SHANK2: variants seen among roughly 807,000 people sequenced by gnomAD.
SHANK2 encodes SH3 and multiple ankyrin repeat domains protein 2.
In SHANK2, 43 loss-of-function variants were observed where a neutral mutation model predicts 133.7. The observed-to-expected ratio is 0.32, with a 90% CI of 0.25 to 0.41. The LOEUF (loss-of-function observed/expected upper bound fraction) is 0.41, where lower values mean the gene tolerates loss of function less well. Ranked by LOEUF, SHANK2 falls within the 10% of genes least tolerant of loss-of-function variation. SHANK2 has a pLI of 1.00. For synonymous variants in SHANK2, 1,017 were observed against 952.8 expected (o/e 1.07, Z -1.24); for missense variants, 1,994 against 2,235.8 (o/e 0.89, Z 2.18).
At chr11:70,585,724 C>T (rs563545209) in intron 17 of SHANK2, among the ~76,000 whole-genome samples, 6 of 151,966 alleles carry the variant, frequency 3.9e-5, no homozygotes, top group East Asian at 1.9e-4. Flanking sequence ...CCCACTCATT[C>T]GTCCATCCAA....
intron 2 of SHANK2, among the ~76,000 whole-genome samples, chr11:71,187,719 C>T (rs746733157): frequency 4.6e-5 from 7 of 152,140 alleles, no homozygotes; most frequent in Non-Finnish European, 8.8e-5. Flanking sequence ...CTGTGTGTTG[C>T]GTGGGCAGAG....
In SHANK2 at chr11:70,804,097, A is replaced by G. The variant is rs1473022269; in HGVS notation, c.1663+2905T>C. Among the ~76,000 whole-genome samples, 12 of 152,194 alleles carry G rather than the reference A, an allele frequency of 7.9e-5. No individual in the cohort carries two copies. Among genetic ancestry groups the G allele is most frequent in the African/African-American group, 2.9e-4 (12 of 41,552 alleles). ...TGCCTGCTGCCCAGACCCGACTTCC[A>G]CTGCAAAAAATGAGTTTGGTTTCTC... On this transcript the variant is annotated intron_variant, in intron 13 of 25. Coordinates refer to ENST00000601538, the MANE Select transcript of SHANK2 (RefSeq NM_012309.5). This position sits in a 1 kb window ranked among gnomAD's most constrained non-coding sequence, Gnocchi z 4.1.
chr11:70,817,347 CAGATGGA>C (rs1485374296), intron 12 of SHANK2, among the ~76,000 whole-genome samples: 2 of 152,090 alleles, frequency 1.3e-5, no homozygotes, highest in African/African-American at 4.8e-5. Context: ...GAATCCTGGA[CAGATGGA>C]TATGGACAGG....
chr11:71,106,940 A>G (rs1353498882), intron 6 of SHANK2, among the ~76,000 whole-genome samples: 1 of 151,394 alleles, frequency 6.6e-6, no homozygotes, highest in Admixed American at 6.6e-5. Flanking sequence ...CCTGGGCAAC[A>G]TGGCAAAACC....
chr11:71,085,861 T>TATA lies in SHANK2; in HGVS notation c.912+6560_912+6561insTAT, dbSNP rs1565441942. Among the ~76,000 whole-genome samples the TATA allele has an allele frequency of 2.7e-3, 5 of 1,820 alleles. 1 individual carries two copies. Among genetic ancestry groups the TATA allele is most frequent in the African/African-American group, 0.016 (5 of 314 alleles). The allele number at this position is 1,820 out of a possible 152,430, so 1.2% of individuals were successfully genotyped here. The stretch of plus-strand genomic sequence containing the variant: ...TACAACAATAATATATATTGTTATT[T>TATA]TAATATATTATATATTTATATAACC... On this transcript the variant is annotated intron_variant, in intron 8 of 25. Transcript: ENST00000601538.
chr11:70,629,032 G>A (rs1243258701), intron 17 of SHANK2, among the ~76,000 whole-genome samples: 1 of 152,186 alleles, frequency 6.6e-6, no homozygotes, highest in African/African-American at 2.4e-5. Flanking sequence ...GGAGGGAAAC[G>A]CCAACACTTG....
Position 70,653,266 on chromosome 11 carries a change from C to T in SHANK2, c.2061+6562G>A, listed in dbSNP as rs141571020. ...GGGATTACAGGCGTGAGCCACTGCACCCGGCCTGGACTTCATTTTCTTTCC... is the reference window on the plus strand; with the variant it reads ...GGGATTACAGGCGTGAGCCACTGCATCCGGCCTGGACTTCATTTTCTTTCC... On this transcript the variant is annotated intron_variant, in intron 17 of 25. Transcript: ENST00000601538. Among the ~76,000 whole-genome samples the T allele has an allele frequency of 9.3e-3, 1,423 of 152,266 alleles. 25 individuals carry two copies. Among genetic ancestry groups the T allele is most frequent in the African/African-American group, 0.033 (1,356 of 41,536 alleles).
At chr11:70,626,242 A>T (rs2060904002) in intron 17 of SHANK2, among the ~76,000 whole-genome samples, 1 of 152,210 alleles carries the variant, frequency 6.6e-6, no homozygotes, top group South Asian at 2.1e-4. Flanking sequence ...CAAACATTTC[A>T]AACGTTTTCT....
chr11:71,061,958 A>G (rs1434677911), intron 9 of SHANK2, among the ~76,000 whole-genome samples: 1 of 150,712 alleles, frequency 6.6e-6, no homozygotes, highest in Non-Finnish European at 1.5e-5. Context: ...CCAACTCCAA[A>G]AAGTCTTTCT....
chr11:71,207,226 C>T (rs937302163), intron 2 of SHANK2, among the ~76,000 whole-genome samples: 5 of 138,086 alleles, frequency 3.6e-5, no homozygotes, highest in Admixed American at 7.7e-5. Context: ...ATCAACCAGG[C>T]TGGAGTGCAA....
intron 17 of SHANK2, among the ~76,000 whole-genome samples, chr11:70,527,697 CAG>C (rs1189298522): frequency 6.6e-5 from 10 of 152,204 alleles, no homozygotes; most frequent in South Asian, 4.1e-4. Context: ...TGTGGCCTCT[CAG>C]GGGATGTGGT....
chr11:70,721,222 T>C (rs2134662199), intron 14 of SHANK2, among the ~76,000 whole-genome samples: 1 of 152,362 alleles, frequency 6.6e-6, no homozygotes, highest in South Asian at 2.1e-4. Flanking sequence ...TTGAGTTTCA[T>C]TTCAGGCGCA....
chr11:71,204,193 A>G (rs1466161514), intron 2 of SHANK2, among the ~76,000 whole-genome samples: 1 of 152,128 alleles, frequency 6.6e-6, no homozygotes, highest in Non-Finnish European at 1.5e-5. Flanking sequence ...CTGGATTTAC[A>G]AGAACATAAG....
chr11:70,852,451 G>T (rs1048896443), intron 11 of SHANK2, among the ~76,000 whole-genome samples: 1 of 152,196 alleles, frequency 6.6e-6, no homozygotes, highest in Non-Finnish European at 1.5e-5. Flanking sequence ...TGCAGGGGAA[G>T]GGCAGGAAGA....
At chr11:70,697,339 G>A (rs1555022441) in intron 15 of SHANK2, among the ~76,000 whole-genome samples, 1 of 152,236 alleles carries the variant, frequency 6.6e-6, no homozygotes, top group African/African-American at 2.4e-5. Flanking sequence ...ACTGGTATGT[G>A]CCACCATGTG....
At position 70,688,309 on chromosome 11, in the gene SHANK2, A is replaced by AC. The variant is rs572182390; in HGVS notation, c.1853+10378dup. Among the ~76,000 whole-genome samples the AC allele has an allele frequency of 1.1e-4, 16 of 152,188 alleles. No individual in the cohort carries two copies. In the East Asian group the frequency reaches 1.9e-3, roughly 18 times the overall value. ...CCTCCAGCCAGAAAAACCTACCCTC[A>AC]CCTTGGTCTGGGGCCAAGGTCCAAA... On this transcript the variant is annotated intron_variant, in intron 15 of 25. Coordinates refer to ENST00000601538, the MANE Select transcript of SHANK2 (RefSeq NM_012309.5).
chr11:70,806,955 C>T (rs1555052000), intron 13 of SHANK2, 47 bp downstream of exon 13: 4 of 700,016 alleles, frequency 5.7e-6, no homozygotes, highest in Middle Eastern at 2.4e-4. Flanking sequence ...TGAAGGGCCC[C>T]AGCCTGACCT....
chr11:70,871,071 C>A (rs1949452729), intron 11 of SHANK2, among the ~76,000 whole-genome samples: 1 of 152,206 alleles, frequency 6.6e-6, no homozygotes, highest in African/African-American at 2.4e-5. Flanking sequence ...AGCCACTGCA[C>A]CCGGTCCCAT....
intron 14 of SHANK2, among the ~76,000 whole-genome samples, chr11:70,767,131 G>A (rs891186581): frequency 1.3e-5 from 2 of 152,188 alleles, no homozygotes; most frequent in African/African-American, 4.8e-5. Flanking sequence ...CTTTTGAACT[G>A]AAGGCTGGCT....
Sources: gnomAD v4.1 joint callset for allele counts (sites outside exome capture counted in the v4.1 genomes callset) on GRCh38, gnomAD v4.1.1 for gene constraint, Gnocchi (gnomAD v3.1) non-coding constraint, MANE v1.5 for transcripts, NCBI Gene and HGNC (gene_info 2026-07-23, HGNC 2026-07-21) for gene names.